Variants in MYCBP2 observed in about 807,000 individuals in gnomAD.
MYCBP2 encodes the protein E3 ubiquitin-protein ligase MYCBP2.
Under a neutral mutation model 525.3 loss-of-function variants are expected in MYCBP2, and 120 were observed. The observed-to-expected ratio is 0.23, with a 90% CI of 0.20 to 0.27. MYCBP2 has a LOEUF of 0.27. Ranked by LOEUF, MYCBP2 falls within the 10% of genes least tolerant of loss-of-function variation. The probability of loss-of-function intolerance (pLI) is 1.00; values close to 1 mark genes in which losing one functional copy is unlikely to be tolerated. For synonymous variants in MYCBP2, 1,894 were observed against 1,955.8 expected (o/e 0.97, Z 0.83); for missense variants, 4,149 against 5,657.1 (o/e 0.73, Z 8.55).
chr13:77,087,734 T>C (rs1043639551), intron 61 of MYCBP2, 101 bp from the exon 62 acceptor site: 8 of 999,412 alleles, frequency 8.0e-6, no homozygotes, highest in African/African-American at 1.7e-5. Context: ...CAAAGAAAGA[T>C]ACTAGAAAAT....
intron 1 of MYCBP2, among the ~76,000 whole-genome samples, chr13:77,315,017 T>C (rs73223464): frequency 0.022 from 3,397 of 152,312 alleles, 57 homozygotes; most frequent in Middle Eastern, 0.075. Flanking sequence ...GATAACTTCA[T>C]GCTAAAAACT....
At chr13:77,317,209 C>T (rs142838697) in intron 1 of MYCBP2, among the ~76,000 whole-genome samples, 1 of 152,338 alleles carries the variant, frequency 6.6e-6, no homozygotes, top group East Asian at 1.9e-4. Flanking sequence ...ATCTCGGCCT[C>T]CCAAAGTGCT....
intron 21 of MYCBP2, among the ~76,000 whole-genome samples, chr13:77,214,005 G>T (rs1458379632): frequency 6.6e-6 from 1 of 151,830 alleles, no homozygotes; most frequent in Non-Finnish European, 1.5e-5. Flanking sequence ...GAAGAAGTTA[G>T]AAAAAGCACA....
At chr13:77,124,279 G>C (rs1193952651) in intron 54 of MYCBP2, among the ~76,000 whole-genome samples, 1 of 151,900 alleles carries the variant, frequency 6.6e-6, no homozygotes, top group Non-Finnish European at 1.5e-5. Flanking sequence ...GGTGTGTTGT[G>C]GGGGGAAAAA....
Position 77,062,811 on chromosome 13 carries a change from G to C in MYCBP2, c.12673-114C>G, listed in dbSNP as rs1275097918. 7 of 771,062 alleles carry C rather than the reference G, an allele frequency of 9.1e-6. No homozygotes were observed. In the East Asian group the frequency reaches 1.8e-4, roughly 20 times the overall value. The allele number at this position is 771,062 out of a possible 1,614,324, so 47.8% of individuals were successfully genotyped here. A position where few individuals can be genotyped will look rare whatever the true frequency, so the allele number is the denominator to read the frequency against. On this transcript the variant is annotated intron_variant, in intron 73 of 82. Transcript: ENST00000544440. The stretch of plus-strand genomic sequence containing the variant: ...TGCTGGCTGATTTTGAAAATACATA[G>C]ATACTCAGTGGCACTCAAGTCTTCC...
intron 74 of MYCBP2, among the ~76,000 whole-genome samples, chr13:77,062,084 G>C (rs566756295): frequency 6.6e-6 from 1 of 152,252 alleles, no homozygotes; most frequent in African/African-American, 2.4e-5. Flanking sequence ...TAAACATTCT[G>C]TATGCCAAAG....
chr13:77,163,191 C>T lies in MYCBP2; in HGVS notation c.6548-1236G>A, dbSNP rs145024098. On this transcript the variant is annotated intron_variant, in intron 43 of 82. Coordinates refer to ENST00000544440, the MANE Select transcript of MYCBP2 (RefSeq NM_015057.5). ...CTATATTAATCCACCCTTCAACATA[C>T]ACTTTTTGAGTATTTGTGCAAGTAT... Among the ~76,000 whole-genome samples, 157 of 152,304 alleles carry T rather than the reference C, an allele frequency of 1.0e-3. 1 individual carries two copies. The highest frequency in any genetic ancestry group is 3.4e-3 in the Middle Eastern group (1 of 294).
chr13:77,274,369 A>G (rs2075266587), intron 4 of MYCBP2, among the ~76,000 whole-genome samples: 1 of 152,218 alleles, frequency 6.6e-6, no homozygotes, highest in Non-Finnish European at 1.5e-5. Context: ...ATCAACAGAC[A>G]TCTGGGTATT....
chr13:77,129,375 C>T, intron 52 of MYCBP2: 1 of 382,670 alleles, frequency 2.6e-6, no homozygotes, highest in East Asian at 3.7e-5. Flanking sequence ...GAAACTGAAG[C>T]CATCTGAGTA....
Position 77,093,332 on chromosome 13 carries a change from C to A in MYCBP2, c.10200G>T (p.Arg3400Ser), listed in dbSNP as rs749235738. 1 of 1,612,346 alleles carries A rather than the reference C, an allele frequency of 6.2e-7. No homozygotes were observed. Among genetic ancestry groups the A allele is most frequent in the Non-Finnish European group, 8.5e-7 (1 of 1,179,086 alleles). Residue 3400 changes from arginine to serine, a missense_variant and splice_region_variant, in exon 59 of 83, where the codon AGG becomes AGT. By Grantham distance (110) the Arg-to-Ser change is moderately radical. Coordinates refer to ENST00000544440, the MANE Select transcript of MYCBP2 (RefSeq NM_015057.5). ...MPCLYLQTLA[R>S]HHHENFVGYQ... is the part of the protein sequence containing the mutation. ...AGCCCACAAAATTTTCATGATGATG[C>A]CTGCATTAAATCAAACCCAATAACT... is the stretch of plus-strand genomic sequence containing the variant.
chr13:77,238,028 G>A (rs926763797), intron 17 of MYCBP2, among the ~76,000 whole-genome samples: 1 of 152,064 alleles, frequency 6.6e-6, no homozygotes, highest in East Asian at 1.9e-4. Flanking sequence ...CGGATTACAA[G>A]GTCAGGAGAT....
intron 26 of MYCBP2, among the ~76,000 whole-genome samples, chr13:77,200,543 G>A (rs1009996038): frequency 2.6e-5 from 4 of 151,956 alleles, no homozygotes; most frequent in African/African-American, 7.3e-5. Flanking sequence ...TACAGAGAAC[G>A]CCACAAAGAT....
intron 68 of MYCBP2, among the ~76,000 whole-genome samples, chr13:77,071,979 C>G (rs898490437): frequency 2.6e-5 from 4 of 151,802 alleles, no homozygotes; most frequent in Non-Finnish European, 5.9e-5. Flanking sequence ...TCTAAATTAC[C>G]CAAGGGTCAA....
chr13:77,189,541 G>A (rs1016767257), intron 29 of MYCBP2, among the ~76,000 whole-genome samples: 1 of 152,074 alleles, frequency 6.6e-6, no homozygotes, highest in Admixed American at 6.5e-5. Context: ...CAGAAAGAAA[G>A]ATAGGGAGAT....
intron 58 of MYCBP2, among the ~76,000 whole-genome samples, 158 bp downstream of exon 58, chr13:77,095,200 T>C (rs979906172): frequency 2.6e-5 from 4 of 152,180 alleles, no homozygotes; most frequent in African/African-American, 4.8e-5. Context: ...AAAGTCATTA[T>C]GTCAGTCAAG....
intron 55 of MYCBP2, among the ~76,000 whole-genome samples, chr13:77,104,067 C>G (rs1333615486): frequency 2.6e-5 from 4 of 151,872 alleles, no homozygotes; most frequent in Admixed American, 1.3e-4. Context: ...CTTTTAAAAG[C>G]AGTAAGCTAA....
intron 23 of MYCBP2, among the ~76,000 whole-genome samples, chr13:77,209,878 G>A (rs2063769514): frequency 6.6e-6 from 1 of 152,174 alleles, no homozygotes; most frequent in Non-Finnish European, 1.5e-5. Context: ...AATTACCAAG[G>A]AGTTGGCAAG....
rs955849904 is a variant in MYCBP2, at chr13:77,194,188, T to C, written c.3900A>G (p.Ala1300=). ...AGTCATAAGCCAATACATCAGTCTCTGCAAGAAGGTCACCATCAGTTTCAT... is the reference window on the plus strand; with the variant it reads ...AGTCATAAGCCAATACATCAGTCTCCGCAAGAAGGTCACCATCAGTTTCAT... The part of the protein sequence containing the change: ...GDHETDGDLL[A]ETDVLAYDCA... Residue 1300 remains alanine (A), a synonymous_variant, in exon 27 of 83, where the codon GCA becomes GCG. Coordinates refer to ENST00000544440, the MANE Select transcript of MYCBP2 (RefSeq NM_015057.5). 1.2e-5 allele frequency: 19 copies of C among 1,613,548 alleles called. No homozygotes were observed. The highest frequency in any genetic ancestry group is 1.5e-5 in the Non-Finnish European group (18 of 1,179,642).
intron 36 of MYCBP2, 35 bp from the exon 37 acceptor site, chr13:77,174,524 C>T (rs1198630380): frequency 1.2e-5 from 18 of 1,556,762 alleles, no homozygotes; most frequent in Admixed American, 1.7e-5. Context: ...CTTTTATTCA[C>T]AATGTACAGA....
Sources: gnomAD v4.1 joint callset for allele counts (sites outside exome capture counted in the v4.1 genomes callset) on GRCh38, gnomAD v4.1.1 for gene constraint, MANE v1.5 for transcripts, NCBI Gene and HGNC (gene_info 2026-07-23, HGNC 2026-07-21) for gene names.